The following SDCBP variants were observed in gnomAD, a reference collection of about 807,000 sequenced individuals.
SDCBP encodes the protein syntenin-1.
In SDCBP, 22 loss-of-function variants were observed where a neutral mutation model predicts 30.5. The observed-to-expected ratio is 0.72, with a 90% CI of 0.52 to 1.03. The LOEUF is 1.03. SDCBP is among the 50% of genes least tolerant of loss of function. The probability of loss-of-function intolerance (pLI) is 0.00; values close to 1 mark genes in which losing one functional copy is unlikely to be tolerated. For missense variants in SDCBP, 304 were observed against 369.9 expected, an observed-to-expected ratio of 0.82 and a Z score of 1.46; for synonymous variants, 103 against 118.7, an observed-to-expected ratio of 0.87 and a Z score of 0.86.
chr8:58,555,414 A>G (rs1804044204), intron 1 of SDCBP, among the ~76,000 whole-genome samples: 1 of 152,200 alleles, frequency 6.6e-6, no homozygotes, highest in African/African-American at 2.4e-5. Flanking sequence ...GATTTTTGCC[A>G]GGTGAGAAAT....
intron 1 of SDCBP, among the ~76,000 whole-genome samples, chr8:58,554,420 T>A (rs564020312): frequency 1.3e-5 from 2 of 152,362 alleles, no homozygotes; most frequent in African/African-American, 4.8e-5. Flanking sequence ...GTTACCAACT[T>A]AATTCTATAA....
chr8:58,567,691 C>T lies in SDCBP; in HGVS notation c.51+2607C>T, dbSNP rs1292860577. ...GTGCAAACATTATAGAGTGTACTTC[C>T]ACAAATGTAGATGGCATAGCCTACT... On this transcript the variant is annotated intron_variant, in intron 2 of 8. Coordinates refer to ENST00000260130, the MANE Select transcript of SDCBP (RefSeq NM_005625.4). Among the ~76,000 whole-genome samples, 3 of 152,148 alleles carry T rather than the reference C, an allele frequency of 2.0e-5. No individual in the cohort carries two copies. In the East Asian group the frequency reaches 5.8e-4, roughly 29 times the overall value.
chr8:58,567,705 G>A (rs1387650996), intron 2 of SDCBP, among the ~76,000 whole-genome samples: 1 of 152,152 alleles, frequency 6.6e-6, no homozygotes, highest in East Asian at 1.9e-4. Flanking sequence ...AATGTAGATG[G>A]CATAGCCTAC....
chr8:58,573,457 G>A (rs555048739), intron 4 of SDCBP, among the ~76,000 whole-genome samples: 1 of 152,336 alleles, frequency 6.6e-6, no homozygotes, highest in South Asian at 2.1e-4. Flanking sequence ...ATAGCTAGCT[G>A]CTTCTCCTAG....
At chr8:58,565,107 G>A (rs779772292) in intron 2 of SDCBP, 23 bp downstream of exon 2, 10 of 1,364,028 alleles carry the variant, frequency 7.3e-6, no homozygotes, top group South Asian at 1.3e-5. Context: ...AAATACTTTT[G>A]TCAAAACAAA....
At chr8:58,573,710 A>C (rs1407836771) in intron 4 of SDCBP, among the ~76,000 whole-genome samples, 1 of 152,192 alleles carries the variant, frequency 6.6e-6, no homozygotes, top group Non-Finnish European at 1.5e-5. Context: ...GGAAGGAATG[A>C]GGTGCTTGTC....
In SDCBP at chr8:58,571,895, GTTTAT is replaced by G. The variant is rs565244797; in HGVS notation, c.131-305_131-301del. Among the ~76,000 whole-genome samples, 262 of 152,286 alleles carry G rather than the reference GTTTAT, an allele frequency of 1.7e-3. 2 individuals are homozygous for G. The highest frequency in any genetic ancestry group is 6.0e-3 in the African/African-American group (251 of 41,566). ...TCTTACTAAATTCCTAATCAAGTAA[GTTTAT>G]TTTAAGAAACAGGAAAGGCAAGATA... On this transcript the variant is annotated intron_variant, in intron 3 of 8. Coordinates refer to ENST00000260130, the MANE Select transcript of SDCBP (RefSeq NM_005625.4).
chr8:58,569,809 A>G (rs1213890688), intron 2 of SDCBP, among the ~76,000 whole-genome samples: 1 of 152,184 alleles, frequency 6.6e-6, no homozygotes, highest in East Asian at 1.9e-4. Context: ...AAAGATTTTC[A>G]TGCTGTATTT....
intron 1 of SDCBP, among the ~76,000 whole-genome samples, chr8:58,556,859 A>C (rs927129844): frequency 1.6e-5 from 2 of 124,926 alleles, no homozygotes; most frequent in East Asian, 6.1e-4. Flanking sequence ...TGTATTATAT[A>C]TAACATATAT....
At chr8:58,573,563 A>G (rs1316648713) in intron 4 of SDCBP, among the ~76,000 whole-genome samples, 1 of 152,152 alleles carries the variant, frequency 6.6e-6, no homozygotes, top group East Asian at 1.9e-4. Context: ...GGATGAGGGG[A>G]CACTACTAGT....
At chr8:58,577,561 T>C (rs1805412989) in intron 5 of SDCBP, among the ~76,000 whole-genome samples, 1 of 152,210 alleles carries the variant, frequency 6.6e-6, no homozygotes, top group African/African-American at 2.4e-5. Context: ...GCTCAAAAGG[T>C]AGAATTATGA....
chr8:58,574,170 T>C (rs1805197656), intron 4 of SDCBP, among the ~76,000 whole-genome samples: 1 of 152,200 alleles, frequency 6.6e-6, no homozygotes, highest in South Asian at 2.1e-4. Flanking sequence ...TACCAGTTAA[T>C]GTGGCCATCT....
chr8:58,579,833 T>A (rs1805582474), intron 7 of SDCBP, 39 bp downstream of exon 7: 3 of 1,537,076 alleles, frequency 2.0e-6, no homozygotes, highest in Admixed American at 2.0e-5. Flanking sequence ...GCTGCAGTTT[T>A]AGAAAATGTC....
chr8:58,580,252 G>GAT (rs570957458), intron 7 of SDCBP, among the ~76,000 whole-genome samples: 71 of 152,246 alleles, frequency 4.7e-4, no homozygotes, highest in African/African-American at 1.5e-3. Context: ...GTTAATAAGA[G>GAT]GAGATGGTAA....
Position 58,570,876 on chromosome 8 carries a change from T to G in SDCBP, c.52-11T>G. 6.2e-7 allele frequency: 1 copy of G among 1,608,448 alleles called. No individual in the cohort carries two copies. Among genetic ancestry groups the G allele is most frequent in the Non-Finnish European group, 8.5e-7 (1 of 1,175,518 alleles). On this transcript the variant is annotated splice_polypyrimidine_tract_variant and intron_variant, in intron 2 of 8. Transcript: ENST00000260130. Reference sequence around the variant, plus strand: ...AGCATATTGTTAGAATTTTCTTCTTTTCTTTTTCAGGCTCAAACTGCTTTT... The same window carrying G: ...AGCATATTGTTAGAATTTTCTTCTTGTCTTTTTCAGGCTCAAACTGCTTTT...
At position 58,569,936 on chromosome 8, in the gene SDCBP, A is replaced by G. The variant is rs577608232; in HGVS notation, c.52-951A>G. Among the ~76,000 whole-genome samples the G allele has an allele frequency of 5.9e-5, 9 of 152,300 alleles. No homozygotes were observed. In the South Asian group the frequency reaches 1.9e-3, roughly 32 times the overall value. ...TTCAAAGCTTTCATAGGCTTTACTTATTTAAACTAAGCTTTCATATCTCCA... is the reference window on the plus strand; with the variant it reads ...TTCAAAGCTTTCATAGGCTTTACTTGTTTAAACTAAGCTTTCATATCTCCA... On this transcript the variant is annotated intron_variant, in intron 2 of 8. Transcript: ENST00000260130.
chr8:58,572,230 G>A lies in SDCBP; in HGVS notation c.156G>A (p.Glu52=). Residue 52 remains glutamate, a synonymous_variant, in exon 4 of 9, where the codon GAG becomes GAA. Coordinates refer to ENST00000260130, the MANE Select transcript of SDCBP (RefSeq NM_005625.4). ...ATCTCTATCCCAGACTGTATCCAGA[G>A]CTCTCTCAATACATGGGGCTGAGTT... ...DGNLYPRLYP[E]LSQYMGLSLN... The A allele has an allele frequency of 6.2e-7, 1 of 1,610,336 alleles. No homozygotes were observed. The highest frequency in any genetic ancestry group is 2.2e-5 in the East Asian group (1 of 44,826).
intron 4 of SDCBP, among the ~76,000 whole-genome samples, chr8:58,573,564 C>T (rs919195254): frequency 1.3e-5 from 2 of 152,100 alleles, no homozygotes; most frequent in African/African-American, 4.8e-5. Context: ...GATGAGGGGA[C>T]ACTACTAGTG....
At chr8:58,561,792 G>C (rs1389816638) in intron 1 of SDCBP, 2 of 689,834 alleles carry the variant, frequency 2.9e-6, no homozygotes, top group African/African-American at 1.8e-5. Flanking sequence ...TTATTGTAAT[G>C]GTGGTGAGTA....
Sources: allele counts gnomAD v4.1 joint callset (sites outside exome capture counted in the v4.1 genomes callset), GRCh38; gene constraint gnomAD v4.1.1; transcripts MANE v1.5; gene names NCBI Gene and HGNC (gene_info 2026-07-23, HGNC 2026-07-21).